Variants in METTL16 observed in about 807,000 individuals in gnomAD.
METTL16 encodes the protein RNA N(6)-adenosine-methyltransferase METTL16.
A neutral mutation model predicts 57.9 loss-of-function variants in METTL16; 19 were observed. The ratio of observed to expected loss-of-function variants is 0.33; its 90% CI spans 0.23 to 0.48. The LOEUF is 0.48. Among genes scored for constraint, METTL16 ranks in the 20% least tolerant of loss-of-function variants. The probability of loss-of-function intolerance (pLI) is 0.99; values close to 1 mark genes in which losing one functional copy is unlikely to be tolerated. For missense variants in METTL16, 434 were observed against 691.5 expected, an observed-to-expected ratio of 0.63 and a Z score of 4.18; for synonymous variants, 246 against 255.6, an observed-to-expected ratio of 0.96 and a Z score of 0.36.
At chr17:2,453,055 T>A (rs143316888) in intron 6 of METTL16, among the ~76,000 whole-genome samples, 209 of 152,250 alleles carry the variant, frequency 1.4e-3, no homozygotes, top group African/African-American at 4.8e-3. Flanking sequence ...AGACAGGGTT[T>A]CACTGTGTTG....
At position 2,463,973 on chromosome 17, in the gene METTL16, T is replaced by C. The variant is rs371976536; in HGVS notation, c.728+235A>G. On this transcript the variant is annotated intron_variant, in intron 6 of 9. Coordinates refer to ENST00000263092, the MANE Select transcript of METTL16 (RefSeq NM_024086.4). ...GAAACCCCCTTGTCTCTACTAGAAA[T>C]ACAAAAATTACAGGTGGCAGGTGCC... 2.3e-4 allele frequency among the ~76,000 whole-genome samples: 35 copies of C among 151,516 alleles called. 1 individual carries two copies. In the East Asian group the frequency reaches 5.1e-3, roughly 22 times the overall value.
intron 6 of METTL16, among the ~76,000 whole-genome samples, chr17:2,447,791 C>G (rs2067019536): frequency 1.7e-5 from 2 of 118,494 alleles, no homozygotes; most frequent in Admixed American, 7.6e-5. Context: ...CCGCCCCGTC[C>G]GGGAGGGAGG....
rs565390879 is a variant in METTL16, at chr17:2,442,258, T to C, written c.729-699A>G. Among the ~76,000 whole-genome samples the C allele has an allele frequency of 9.8e-5, 15 of 152,300 alleles. No individual in the cohort carries two copies. The South Asian group carries it at 1.4e-3, about 15-fold the overall frequency. On this transcript the variant is annotated intron_variant, in intron 6 of 9. Coordinates refer to ENST00000263092, the MANE Select transcript of METTL16 (RefSeq NM_024086.4). ...ATATAAAATAGCTGTTTTTCAGACATTGGATAACTGGCAGTGCAGACCTAC... is the reference window on the plus strand; with the variant it reads ...ATATAAAATAGCTGTTTTTCAGACACTGGATAACTGGCAGTGCAGACCTAC...
At chr17:2,425,653 A>G (rs139671914) in intron 8 of METTL16, among the ~76,000 whole-genome samples, 2 of 152,246 alleles carry the variant, frequency 1.3e-5, no homozygotes, top group African/African-American at 4.8e-5. Flanking sequence ...ATTTTAAAAT[A>G]TGCTACGTAG....
intron 2 of METTL16, among the ~76,000 whole-genome samples, chr17:2,481,837 A>G (rs1056017997): frequency 1.5e-5 from 2 of 135,564 alleles, no homozygotes; most frequent in African/African-American, 5.6e-5. Context: ...ACCTAAAAAA[A>G]TTACCAGACT....
intron 8 of METTL16, among the ~76,000 whole-genome samples, chr17:2,436,241 G>A (rs1028265614): frequency 3.3e-5 from 5 of 152,226 alleles, no homozygotes; most frequent in African/African-American, 1.2e-4. Flanking sequence ...TCGGGGTGGT[G>A]AGGGGTGTCA....
chr17:2,490,925 A>G (rs372757868), intron 2 of METTL16, among the ~76,000 whole-genome samples: 1 of 152,216 alleles, frequency 6.6e-6, no homozygotes, highest in Non-Finnish European at 1.5e-5. Flanking sequence ...AAAGTACAAG[A>G]CATTAAGCTG....
chr17:2,463,542 A>G (rs1393291889), intron 6 of METTL16, among the ~76,000 whole-genome samples: 4 of 151,844 alleles, frequency 2.6e-5, no homozygotes, highest in African/African-American at 7.3e-5. Context: ...GCTCACTGCA[A>G]CCTCTGCCTC....
At chr17:2,474,386 G>GAAAAAAAAA (rs752477163) in intron 3 of METTL16, among the ~76,000 whole-genome samples, 572 of 60,146 alleles carry the variant, frequency 9.5e-3, no homozygotes, top group African/African-American at 0.02. Flanking sequence ...GAAACAAAAA[G>GAAAAAAAAA]AAAAAAAAAA....
At chr17:2,432,243 C>A (rs145888058) in intron 8 of METTL16, among the ~76,000 whole-genome samples, 133 of 152,326 alleles carry the variant, frequency 8.7e-4, no homozygotes, top group African/African-American at 3.0e-3. Flanking sequence ...AGCCACCACG[C>A]CCAGCTTAAA....
chr17:2,461,571 C>T (rs1256619210), intron 6 of METTL16, among the ~76,000 whole-genome samples: 3 of 149,986 alleles, frequency 2.0e-5, no homozygotes, highest in African/African-American at 7.4e-5. Flanking sequence ...AGGATGTTCT[C>T]CTGTCTTTTT....
rs531020736 is a variant in METTL16 at position 2,467,883 on chromosome 17, G to GA, written c.470-8dup. On this transcript the variant is annotated splice_polypyrimidine_tract_variant and splice_region_variant and intron_variant, in intron 4 of 9. Coordinates refer to ENST00000263092, the MANE Select transcript of METTL16 (RefSeq NM_024086.4). Reference sequence around the variant, plus strand: ...TTCTGTGGCACTTTCACCACTAGGAGAAAAAACAGGACTGTGAACTAATAT... The same window carrying GA: ...TTCTGTGGCACTTTCACCACTAGGAGAAAAAAACAGGACTGTGAACTAATAT... 1.6e-4 allele frequency: 255 copies of GA among 1,573,660 alleles called. 1 individual carries two copies. The South Asian group carries it at 2.6e-3, about 16-fold the overall frequency.
Position 2,507,353 on chromosome 17 carries a change from G to A in METTL16, c.-1+4406C>T, listed in dbSNP as rs565224335. On this transcript the variant is annotated intron_variant, in intron 1 of 9. Transcript: ENST00000263092. ...GGGGGGTCAGCCCCCCACCCAGCCA[G>A]CCACCCCGTCCGGGAGGGAGGTGGG... is the stretch of plus-strand genomic sequence containing the variant. Among the ~76,000 whole-genome samples, 7 of 146,750 alleles carry A rather than the reference G, an allele frequency of 4.8e-5. No homozygotes were observed. In the East Asian group the frequency reaches 1.3e-3, roughly 26 times the overall value.
In METTL16 at chr17:2,464,301, G is replaced by C; in HGVS notation, c.635C>G (p.Thr212Arg). ...PRRPPPSSVNTGGITEIMAEG... is the reference protein window; with the variant it reads ...PRRPPPSSVNRGGITEIMAEG... ...TGCCATGATCTCTGTGATGCCTCCTGTATTAACAGAACTAGGCGGAGGTCT... is the reference window on the plus strand; with the variant it reads ...TGCCATGATCTCTGTGATGCCTCCTCTATTAACAGAACTAGGCGGAGGTCT... The change falls in exon 6 of 10, where the codon ACA (threonine) becomes AGA (arginine). Residue 212 changes from threonine (T) to arginine (R), a missense_variant. Physicochemically the swap from Thr to Arg is moderately conservative, Grantham distance 71. Coordinates refer to ENST00000263092, the MANE Select transcript of METTL16 (RefSeq NM_024086.4). 1 of 1,613,708 alleles carries C rather than the reference G, an allele frequency of 6.2e-7. No homozygotes were observed. Among genetic ancestry groups the C allele is most frequent in the Non-Finnish European group, 8.5e-7 (1 of 1,179,904 alleles).
chr17:2,467,904 A>C, intron 4 of METTL16, 28 bp from the exon 5 acceptor site: 1 of 1,470,456 alleles, frequency 6.8e-7, no homozygotes, highest in Non-Finnish European at 9.5e-7. Flanking sequence ...ACTGTGAACT[A>C]ATATTAATGT....
intron 4 of METTL16, among the ~76,000 whole-genome samples, chr17:2,470,589 A>C (rs754809100): frequency 5.3e-5 from 8 of 152,046 alleles, no homozygotes; most frequent in Non-Finnish European, 1.2e-4. Flanking sequence ...CCAGAAAATC[A>C]CTCAAGCCCA....
At chr17:2,492,897 C>CAAAAAAAAAAAAA (rs56853674) in intron 2 of METTL16, among the ~76,000 whole-genome samples, 1 of 75,912 alleles carries the variant, frequency 1.3e-5, no homozygotes, top group Non-Finnish European at 2.4e-5. Context: ...GACTCCGTCT[C>CAAAAAAAAAAAAA]AAAAAAAAAA....
At chr17:2,457,710 CAAA>C (rs749572968) in intron 6 of METTL16, among the ~76,000 whole-genome samples, 1 of 105,234 alleles carries the variant, frequency 9.5e-6, no homozygotes, top group Non-Finnish European at 2.0e-5. Flanking sequence ...GACTCTGTCT[CAAA>C]AAAAAAAAAA....
rs1243097096 is a variant in METTL16 at position 2,502,267 on chromosome 17, T to C, written c.65A>G (p.Tyr22Cys). 1 of 1,613,936 alleles carries C rather than the reference T, an allele frequency of 6.2e-7. No individual in the cohort carries two copies. The change falls in exon 2 of 10, where the codon TAT (tyrosine) becomes TGT (cysteine). Residue 22 changes from tyrosine to cysteine, a missense_variant. Physicochemically the swap from Tyr to Cys is radical, Grantham distance 194. This residue lies in a region of METTL16 where 118 missense variants were observed against 280.0 expected (regional missense o/e 0.42). Transcript: ENST00000263092. ...AAAATCTGGATATTTGGATGCCAGA[T>C]ATGCAAAGTCAGGAGGTTTGTCCTT... Reference protein sequence around the residue: ...RYKDKPPDFAYLASKYPDFKQ... With the variant: ...RYKDKPPDFACLASKYPDFKQ...
Sources: allele counts gnomAD v4.1 joint callset (sites outside exome capture counted in the v4.1 genomes callset), GRCh38; gene constraint gnomAD v4.1.1; regional missense constraint gnomAD v4.1.1; transcripts MANE v1.5; gene names NCBI Gene and HGNC (gene_info 2026-07-23, HGNC 2026-07-21).